The following DENND1B variants were observed in gnomAD, a reference collection of about 807,000 sequenced individuals.
The protein encoded by DENND1B is DENN domain containing 1B.
A neutral mutation model predicts 90.1 loss-of-function variants in DENND1B; 59 were observed. The ratio of observed to expected loss-of-function variants is 0.65; its 90% CI spans 0.53 to 0.81. The LOEUF is 0.81. Ranked by LOEUF, DENND1B falls within the 40% of genes least tolerant of loss-of-function variation. The probability of loss-of-function intolerance (pLI) is 0.00; values close to 1 mark genes in which losing one functional copy is unlikely to be tolerated. For synonymous variants in DENND1B, 337 were observed against 324.6 expected (o/e 1.04, Z -0.41); for missense variants, 862 against 912.6 (o/e 0.94, Z 0.71).
At chr1:197,579,325 T>C (rs1673987559) in intron 15 of DENND1B, among the ~76,000 whole-genome samples, 1 of 152,186 alleles carries the variant, frequency 6.6e-6, no homozygotes, top group African/African-American at 2.4e-5. Context: ...ATGTATTTTT[T>C]CTCAACACAC....
Position 197,510,959 on chromosome 1 carries a change from G to C in DENND1B, c.1829C>G (p.Ala610Gly). 1 of 1,509,784 alleles carries C rather than the reference G, an allele frequency of 6.6e-7. No homozygotes were observed. The highest frequency in any genetic ancestry group is 1.4e-5 in the South Asian group (1 of 72,742). The allele number at this position is 1,509,784 out of a possible 1,614,324, so 93.5% of individuals were successfully genotyped here. The change falls in exon 23 of 23, where the codon GCT becomes GGT. Residue 610 changes from alanine to glycine, a missense_variant. Transcript: ENST00000620048. ...GAAAGCCAGGTTATTCTCACTAGGA[G>C]CATTAGATTTATTCTGAAAAAAAGA... Reference protein sequence around the residue: ...IDYKPTNKSNAPSENNLAFLC... With the variant: ...IDYKPTNKSNGPSENNLAFLC...
chr1:197,655,434 C>T (rs908128074), intron 6 of DENND1B, among the ~76,000 whole-genome samples: 1 of 152,124 alleles, frequency 6.6e-6, no homozygotes, highest in Non-Finnish European at 1.5e-5. Flanking sequence ...TTGAAACCTA[C>T]AGAAAGCATC....
intron 2 of DENND1B, among the ~76,000 whole-genome samples, chr1:197,755,261 A>G (rs916000350): frequency 3.3e-5 from 5 of 152,230 alleles, no homozygotes; most frequent in Admixed American, 2.6e-4. Context: ...TTCCTCAAAC[A>G]TAAAATAGGA....
chr1:197,625,975 TC>T (rs1678668040), intron 10 of DENND1B, among the ~76,000 whole-genome samples: 1 of 151,988 alleles, frequency 6.6e-6, no homozygotes, highest in African/African-American at 2.4e-5. Flanking sequence ...GAGCTAACTG[TC>T]CCAAATACAT....
At chr1:197,551,166 AT>A in intron 16 of DENND1B, among the ~76,000 whole-genome samples, 1 of 151,810 alleles carries the variant, frequency 6.6e-6, no homozygotes, top group South Asian at 2.1e-4. Context: ...GCTAATTTTT[AT>A]TGTATAAGTC....
At chr1:197,701,107 C>T (rs1254419995) in intron 3 of DENND1B, among the ~76,000 whole-genome samples, 2 of 152,146 alleles carry the variant, frequency 1.3e-5, no homozygotes, top group Non-Finnish European at 1.5e-5. Flanking sequence ...ATAAATCATT[C>T]TACTATAAAG....
intron 12 of DENND1B, among the ~76,000 whole-genome samples, chr1:197,607,693 T>C (rs1423232021): frequency 1.3e-5 from 2 of 150,756 alleles, no homozygotes; most frequent in Non-Finnish European, 3.0e-5. Context: ...AATAAAAGGA[T>C]AGCAATATGG....
At chr1:197,570,773 T>C (rs935984232) in intron 15 of DENND1B, among the ~76,000 whole-genome samples, 10 of 152,160 alleles carry the variant, frequency 6.6e-5, no homozygotes, top group African/African-American at 2.4e-4. Context: ...AAGCAAATAT[T>C]TGAGTATTCA....
At chr1:197,556,486 T>C (rs780396049) in intron 15 of DENND1B, among the ~76,000 whole-genome samples, 20 of 152,062 alleles carry the variant, frequency 1.3e-4, no homozygotes, top group Non-Finnish European at 1.6e-4. Context: ...AATGGAATCT[T>C]AGATTTTTTA....
At chr1:197,540,579 G>A (rs1670263839) in intron 19 of DENND1B, among the ~76,000 whole-genome samples, 1 of 152,086 alleles carries the variant, frequency 6.6e-6, no homozygotes, top group Non-Finnish European at 1.5e-5. Context: ...CTATTGGAAT[G>A]AGACTATCAA....
intron 3 of DENND1B, among the ~76,000 whole-genome samples, chr1:197,678,750 G>C (rs1452673707): frequency 6.6e-6 from 1 of 152,136 alleles, no homozygotes; most frequent in African/African-American, 2.4e-5. Flanking sequence ...TTTTTAAGAA[G>C]TGTTCTGCTC....
intron 15 of DENND1B, among the ~76,000 whole-genome samples, chr1:197,557,629 A>G (rs1342769667): frequency 6.6e-6 from 1 of 151,962 alleles, no homozygotes; most frequent in African/African-American, 2.4e-5. Context: ...TCTTGTAACA[A>G]AAGATTGATT....
intron 2 of DENND1B, among the ~76,000 whole-genome samples, chr1:197,765,782 G>A (rs1163831899): frequency 2.6e-5 from 4 of 152,062 alleles, no homozygotes; most frequent in Non-Finnish European, 4.4e-5. Flanking sequence ...AGATTAAAGC[G>A]GCAAAAATAA....
At chr1:197,554,139 AC>A (rs1558233985) in intron 15 of DENND1B, among the ~76,000 whole-genome samples, 6 of 148,418 alleles carry the variant, frequency 4.0e-5, no homozygotes, top group Non-Finnish European at 9.0e-5. Flanking sequence ...ACACACACAC[AC>A]ACACACACGT....
rs1234221038 is a variant in DENND1B, at chr1:197,775,226, G to A, written c.-71C>T. 1.7e-6 allele frequency: 2 copies of A among 1,183,368 alleles called. No individual in the cohort carries two copies. The highest frequency in any genetic ancestry group is 1.1e-6 in the Non-Finnish European group (1 of 936,574). The allele number at this position is 1,183,368 out of a possible 1,614,324, so 73.3% of individuals were successfully genotyped here. ...GCCTGGAAGCCCGCAGCCCGGCCGC[G>A]CGAGGGTCGCGCCGTCCCCGCCCAC... On this transcript the variant is annotated 5_prime_UTR_variant, in exon 1 of 23. Transcript: ENST00000620048.
At chr1:197,680,849 T>C (rs1212625596) in intron 3 of DENND1B, among the ~76,000 whole-genome samples, 1 of 152,050 alleles carries the variant, frequency 6.6e-6, no homozygotes, top group East Asian at 1.9e-4. Context: ...TGGGCAAAAA[T>C]TACTGTCTAT....
chr1:197,562,941 G>C (rs2125708394), intron 15 of DENND1B, among the ~76,000 whole-genome samples: 1 of 152,036 alleles, frequency 6.6e-6, no homozygotes, highest in African/African-American at 2.4e-5. Flanking sequence ...AGTCAAACGA[G>C]CCATGACATT....
chr1:197,686,518 T>C (rs538046685), intron 3 of DENND1B, among the ~76,000 whole-genome samples: 2 of 152,280 alleles, frequency 1.3e-5, no homozygotes, highest in African/African-American at 4.8e-5. Flanking sequence ...CCCTTTTCCA[T>C]TCTTTATCAT....
chr1:197,590,386 T>C (rs1675089976), intron 14 of DENND1B, among the ~76,000 whole-genome samples: 1 of 152,198 alleles, frequency 6.6e-6, no homozygotes, highest in African/African-American at 2.4e-5. Flanking sequence ...ATTCATTTAG[T>C]ACATTAATTT....
Sources: gnomAD v4.1 joint callset for allele counts (sites outside exome capture counted in the v4.1 genomes callset) on GRCh38, gnomAD v4.1.1 for gene constraint, MANE v1.5 for transcripts, NCBI Gene and HGNC (gene_info 2026-07-23, HGNC 2026-07-21) for gene names.